Variants in NR6A1 observed in about 807,000 individuals in gnomAD.
NR6A1 encodes nuclear receptor subfamily 6 group A member 1.
A neutral mutation model predicts 59.1 loss-of-function variants in NR6A1; 7 were observed. The observed-to-expected ratio is 0.12, with a 90% CI of 0.07 to 0.22. NR6A1 has a LOEUF of 0.22. Among genes scored for constraint, NR6A1 ranks in the 10% least tolerant of loss-of-function variants. The pLI is 1.00. For synonymous variants in NR6A1, 243 were observed against 236.1 expected (o/e 1.03, Z -0.27); for missense variants, 468 against 611.6 (o/e 0.77, Z 2.48).
At chr9:124,537,037 T>C (rs1025039948) in intron 6 of NR6A1, among the ~76,000 whole-genome samples, 1 of 151,944 alleles carries the variant, frequency 6.6e-6, no homozygotes, top group Non-Finnish European at 1.5e-5. Context: ...CAAGGCCCCT[T>C]GCCAAGACTT....
chr9:124,731,189 G>A (rs961678861), intron 2 of NR6A1, among the ~76,000 whole-genome samples: 3 of 152,006 alleles, frequency 2.0e-5, no homozygotes, highest in African/African-American at 7.2e-5. Context: ...GACCAATATG[G>A]TGAAACCCCG....
intron 2 of NR6A1, among the ~76,000 whole-genome samples, chr9:124,650,327 G>T (rs1837059802): frequency 6.6e-6 from 1 of 152,114 alleles, no homozygotes; most frequent in Non-Finnish European, 1.5e-5. Context: ...GAATAAGCTG[G>T]GCACCGAAAG....
chr9:124,707,993 T>A (rs1246623565), intron 2 of NR6A1, among the ~76,000 whole-genome samples: 1 of 152,198 alleles, frequency 6.6e-6, no homozygotes, highest in Non-Finnish European at 1.5e-5. Flanking sequence ...GTCAGGGATG[T>A]GTGGTAGTCT....
At chr9:124,623,608 G>A (rs971117960) in intron 2 of NR6A1, among the ~76,000 whole-genome samples, 3 of 151,364 alleles carry the variant, frequency 2.0e-5, no homozygotes, top group African/African-American at 7.3e-5. Context: ...CTCCTACCTA[G>A]GCCTCCCAAA....
intron 3 of NR6A1, among the ~76,000 whole-genome samples, chr9:124,546,008 G>A (rs1183208188): frequency 6.6e-6 from 1 of 152,154 alleles, no homozygotes; most frequent in Non-Finnish European, 1.5e-5. Context: ...CCAGCTACTC[G>A]GGAGGCTGAG....
intron 2 of NR6A1, among the ~76,000 whole-genome samples, chr9:124,618,999 AG>A (rs1043507815): frequency 1.3e-5 from 2 of 152,226 alleles, no homozygotes; most frequent in African/African-American, 4.8e-5. Flanking sequence ...TTCCACTTCC[AG>A]GGTTTTACGC....
chr9:124,727,439 T>C (rs1839754257), intron 2 of NR6A1, among the ~76,000 whole-genome samples: 1 of 152,198 alleles, frequency 6.6e-6, no homozygotes, highest in Non-Finnish European at 1.5e-5. Flanking sequence ...ATTTGGAAGA[T>C]TTTTAAACTT....
intron 2 of NR6A1, among the ~76,000 whole-genome samples, chr9:124,569,979 A>G (rs1344777172): frequency 1.3e-5 from 2 of 152,238 alleles, no homozygotes; most frequent in African/African-American, 4.8e-5. Flanking sequence ...AAAGGAAAAT[A>G]AAAGTCTGGG....
chr9:124,674,805 T>C (rs1443275674), intron 2 of NR6A1, among the ~76,000 whole-genome samples: 1 of 152,156 alleles, frequency 6.6e-6, no homozygotes, highest in Non-Finnish European at 1.5e-5. Flanking sequence ...ACTAAGTAAA[T>C]GTGACCTCAT....
chr9:124,540,003 T>TTTGCCTTAAAGCTCACCTTTAAGG, intron 5 of NR6A1, 30 bp downstream of exon 5: 2 of 1,571,300 alleles, frequency 1.3e-6, no homozygotes, highest in East Asian at 2.3e-5. Context: ...GATCCCTAGA[T>TTTGCCTTAAAGCTCACCTTTAAGG]GATGACCATG....
chr9:124,759,618 G>A (rs1404007601), intron 1 of NR6A1, among the ~76,000 whole-genome samples: 2 of 152,162 alleles, frequency 1.3e-5, no homozygotes, highest in Non-Finnish European at 2.9e-5. Flanking sequence ...TCAGTGCTTA[G>A]GATACAGATA....
chr9:124,538,320 C>T lies in NR6A1; in HGVS notation c.597-1G>A, dbSNP rs1233417409. On this transcript the variant is annotated splice_acceptor_variant, in intron 5 of 9. Transcript: ENST00000487099. LOFTEE classifies it high-confidence loss of function. ...GAATCCATTCAGTTCCACAGACCTACTGGAGAGAAAAGTCTTGCGTCAAAC... is the reference window on the plus strand; with the variant it reads ...GAATCCATTCAGTTCCACAGACCTATTGGAGAGAAAAGTCTTGCGTCAAAC... 1.2e-6 allele frequency: 2 copies of T among 1,611,342 alleles called. No homozygotes were observed. Among genetic ancestry groups the T allele is most frequent in the Non-Finnish European group, 1.7e-6 (2 of 1,178,010 alleles).
chr9:124,720,163 T>C (rs138068120), intron 2 of NR6A1, among the ~76,000 whole-genome samples: 1,652 of 152,032 alleles, frequency 0.011, 30 homozygotes, highest in African/African-American at 0.037. Context: ...TTCTCCTGCC[T>C]CCATCAGCCT....
chr9:124,730,089 A>C (rs543168366), intron 2 of NR6A1, among the ~76,000 whole-genome samples: 318 of 152,354 alleles, frequency 2.1e-3, no homozygotes, highest in Non-Finnish European at 3.9e-3. Context: ...CTGGGATTAC[A>C]GGCGTGAGCC....
At chr9:124,740,056 A>G (rs1319343698) in intron 1 of NR6A1, among the ~76,000 whole-genome samples, 1 of 152,148 alleles carries the variant, frequency 6.6e-6, no homozygotes, top group Non-Finnish European at 1.5e-5. Flanking sequence ...TTTGCCAACC[A>G]CTTTATCTCT....
intron 2 of NR6A1, among the ~76,000 whole-genome samples, chr9:124,691,981 A>G (rs1281395009): frequency 6.6e-6 from 1 of 152,244 alleles, no homozygotes; most frequent in Non-Finnish European, 1.5e-5. Context: ...ATGATGAGTG[A>G]GCACTGGAAA....
intron 2 of NR6A1, among the ~76,000 whole-genome samples, chr9:124,682,748 AG>A (rs1838206420): frequency 6.6e-6 from 1 of 152,204 alleles, no homozygotes; most frequent in African/African-American, 2.4e-5. Context: ...TATGAATGTA[AG>A]GGGGTCACTG....
Position 124,771,128 on chromosome 9 carries a change from G to A in NR6A1, c.-9C>T. On this transcript the variant is annotated 5_prime_UTR_variant, in exon 1 of 10. Coordinates refer to ENST00000487099, the MANE Select transcript of NR6A1 (RefSeq NM_033334.4). ...GGTTCGTCCCGCTCCATGCGGTGGT[G>A]CCTAGGGTCCGCGCCGGGTTTGTTG... The A allele has an allele frequency of 3.3e-6, 4 of 1,222,568 alleles. No homozygotes were observed. The highest frequency in any genetic ancestry group is 4.1e-6 in the Non-Finnish European group (4 of 979,504). The allele number at this position is 1,222,568 out of a possible 1,614,324, so 75.7% of individuals were successfully genotyped here. A position where few individuals can be genotyped will look rare whatever the true frequency, so the allele number is the denominator to read the frequency against.
At chr9:124,603,082 C>A (rs1383237461) in intron 2 of NR6A1, among the ~76,000 whole-genome samples, 1 of 152,190 alleles carries the variant, frequency 6.6e-6, no homozygotes, top group Non-Finnish European at 1.5e-5. Flanking sequence ...CAGACTTAAA[C>A]TCAAAGTCAA....
Sources: allele counts gnomAD v4.1 joint callset (sites outside exome capture counted in the v4.1 genomes callset), GRCh38; gene constraint gnomAD v4.1.1; transcripts MANE v1.5; gene names NCBI Gene and HGNC (gene_info 2026-07-23, HGNC 2026-07-21).